Variants in LYN observed in about 807,000 individuals in gnomAD.
LYN encodes the protein LYN proto-oncogene, Src family tyrosine kinase.
Under a neutral mutation model 65.0 loss-of-function variants are expected in LYN, and 12 were observed. The observed-to-expected ratio is 0.18, with a 90% CI of 0.12 to 0.30. The LOEUF (loss-of-function observed/expected upper bound fraction) is 0.30, where lower values mean the gene tolerates loss of function less well. LYN is among the 10% of genes least tolerant of loss of function. The probability of loss-of-function intolerance (pLI) is 1.00; values close to 1 mark genes in which losing one functional copy is unlikely to be tolerated. For synonymous variants in LYN, 222 were observed against 221.2 expected, an observed-to-expected ratio of 1.00 and a Z score of -0.03; for missense variants, 380 against 623.2, an observed-to-expected ratio of 0.61 and a Z score of 4.16.
intron 1 of LYN, among the ~76,000 whole-genome samples, chr8:55,939,815 C>T (rs891154976): frequency 2.0e-5 from 3 of 152,204 alleles, no homozygotes; most frequent in Admixed American, 2.0e-4. Flanking sequence ...GAAAAAAGAA[C>T]TCCCATGCTT....
chr8:56,007,244 C>T (rs779175294), intron 12 of LYN, among the ~76,000 whole-genome samples: 2 of 152,204 alleles, frequency 1.3e-5, no homozygotes, highest in South Asian at 2.1e-4. Flanking sequence ...GTCCTCCCAC[C>T]ACGATCCCAG....
intron 1 of LYN, among the ~76,000 whole-genome samples, chr8:55,919,837 G>A (rs1245158473): frequency 6.6e-6 from 1 of 151,060 alleles, no homozygotes; most frequent in Non-Finnish European, 1.5e-5. Flanking sequence ...TCGGGAAATG[G>A]CTCTCCAGGC....
chr8:55,953,462 C>T (rs1165839558), intron 7 of LYN, among the ~76,000 whole-genome samples: 3 of 152,020 alleles, frequency 2.0e-5, no homozygotes, highest in Admixed American at 6.6e-5. Flanking sequence ...GCCTGGCCAA[C>T]GTAGTAAAAT....
intron 6 of LYN, among the ~76,000 whole-genome samples, chr8:55,951,013 C>A (rs1212938185): frequency 6.6e-6 from 1 of 151,900 alleles, no homozygotes; most frequent in Non-Finnish European, 1.5e-5. Flanking sequence ...GAGGCTGAGG[C>A]GAGAGGATCA....
chr8:55,883,423 A>T (rs1804701712), intron 1 of LYN, among the ~76,000 whole-genome samples: 1 of 152,200 alleles, frequency 6.6e-6, no homozygotes, highest in African/African-American at 2.4e-5. Flanking sequence ...TGTCTTCTAG[A>T]AATGAATTTC....
chr8:55,922,489 C>T (rs368535046), intron 1 of LYN, among the ~76,000 whole-genome samples: 3 of 151,712 alleles, frequency 2.0e-5, no homozygotes, highest in Non-Finnish European at 2.9e-5. Flanking sequence ...GAATTATAAA[C>T]GTAGGCTGGG....
chr8:55,958,022 T>A (rs1807170053), intron 8 of LYN, among the ~76,000 whole-genome samples: 1 of 152,158 alleles, frequency 6.6e-6, no homozygotes, highest in Non-Finnish European at 1.5e-5. Flanking sequence ...TCAGCTGTGG[T>A]GTCAGTGCGT....
chr8:55,888,211 G>T (rs1415646816), intron 1 of LYN, among the ~76,000 whole-genome samples: 1 of 152,170 alleles, frequency 6.6e-6, no homozygotes, highest in Non-Finnish European at 1.5e-5. Context: ...CTGCCATGTT[G>T]GTGGAAATCC....
chr8:55,905,016 A>C (rs995684982), intron 1 of LYN, among the ~76,000 whole-genome samples: 9 of 152,194 alleles, frequency 5.9e-5, no homozygotes, highest in African/African-American at 2.2e-4. Flanking sequence ...CCTAAGCATC[A>C]GTATTTTTTA....
At chr8:56,008,848 A>G (rs1808741848) in intron 12 of LYN, among the ~76,000 whole-genome samples, 1 of 152,168 alleles carries the variant, frequency 6.6e-6, no homozygotes, top group African/African-American at 2.4e-5. Context: ...AAGTAGCTCC[A>G]CTTGAGACTA....
intron 10 of LYN, among the ~76,000 whole-genome samples, chr8:55,971,395 C>T (rs1464886663): frequency 6.6e-6 from 1 of 152,246 alleles, no homozygotes; most frequent in African/African-American, 2.4e-5. Flanking sequence ...AAGCAGAAGT[C>T]TGATAAACTT....
At chr8:55,952,583 G>A (rs1047979455) in intron 7 of LYN, among the ~76,000 whole-genome samples, 47 of 152,044 alleles carry the variant, frequency 3.1e-4, no homozygotes, top group Non-Finnish European at 5.7e-4. Flanking sequence ...TAAAATAAAA[G>A]CAATTAATTA....
intron 1 of LYN, among the ~76,000 whole-genome samples, chr8:55,940,840 G>A (rs1407679201): frequency 6.6e-6 from 1 of 152,164 alleles, no homozygotes; most frequent in Non-Finnish European, 1.5e-5. Flanking sequence ...GATGTGCACC[G>A]TGTGTTGTTC....
At chr8:55,952,356 C>G (rs189188315) in intron 7 of LYN, among the ~76,000 whole-genome samples, 73 of 151,704 alleles carry the variant, frequency 4.8e-4, no homozygotes, top group African/African-American at 1.7e-3. Context: ...GTCAGGAGTT[C>G]GAGACCAGCC....
chr8:55,930,672 T>G (rs946493977), intron 1 of LYN, among the ~76,000 whole-genome samples: 4 of 152,228 alleles, frequency 2.6e-5, no homozygotes, highest in Non-Finnish European at 4.4e-5. Context: ...GTGAAATTGC[T>G]CAACTAAGAG....
intron 8 of LYN, among the ~76,000 whole-genome samples, chr8:55,965,926 A>T (rs958765494): frequency 2.6e-5 from 4 of 152,050 alleles, no homozygotes; most frequent in African/African-American, 9.7e-5. Context: ...GGAGTTTGAG[A>T]CTAGCCTGGC....
intron 6 of LYN, among the ~76,000 whole-genome samples, 153 bp from the exon 7 acceptor site, chr8:55,951,813 T>G (rs573260234): frequency 3.9e-5 from 6 of 152,304 alleles, no homozygotes; most frequent in African/African-American, 1.4e-4. Context: ...CAAGTAGAAT[T>G]TTTATAGGAC....
chr8:56,000,677 G>A (rs370837727), intron 12 of LYN, among the ~76,000 whole-genome samples: 1 of 135,290 alleles, frequency 7.4e-6, no homozygotes, highest in Admixed American at 8.3e-5. Context: ...GCAGTGAGCC[G>A]AGACTGCACC....
intron 10 of LYN, among the ~76,000 whole-genome samples, chr8:55,988,039 C>T (rs75804002): frequency 4.3e-4 from 65 of 152,166 alleles, no homozygotes; most frequent in Non-Finnish European, 8.2e-4. Flanking sequence ...CCAAATAAAG[C>T]TAAAATAAAA....
Sources: gnomAD v4.1 joint callset for allele counts (sites outside exome capture counted in the v4.1 genomes callset) on GRCh38, gnomAD v4.1.1 for gene constraint, MANE v1.5 for transcripts, NCBI Gene and HGNC (gene_info 2026-07-23, HGNC 2026-07-21) for gene names.